EEA1: variants seen among roughly 807,000 people sequenced by gnomAD.
The protein encoded by EEA1 is early endosome antigen 1.
A neutral mutation model predicts 209.2 loss-of-function variants in EEA1; 111 were observed. That is an observed-to-expected ratio of 0.53 (90% CI 0.45 to 0.62). The LOEUF (loss-of-function observed/expected upper bound fraction) is 0.62, where lower values mean the gene tolerates loss of function less well. EEA1 is among the 20% of genes least tolerant of loss of function. The pLI is 0.00. For missense variants in EEA1, 1,343 were observed against 1,530.8 expected (o/e 0.88, Z 2.05); for synonymous variants, 536 against 540.6 (o/e 0.99, Z 0.12).
At chr12:92,850,208 C>A (rs1054351299) in intron 9 of EEA1, among the ~76,000 whole-genome samples, 2 of 152,076 alleles carry the variant, frequency 1.3e-5, no homozygotes, top group Non-Finnish European at 2.9e-5. Flanking sequence ...CCAGAACCAG[C>A]GCATGTAAAT....
At chr12:92,825,628 T>C (rs1427949814) in intron 13 of EEA1, among the ~76,000 whole-genome samples, 1 of 151,944 alleles carries the variant, frequency 6.6e-6, no homozygotes, top group Non-Finnish European at 1.5e-5. Context: ...CACCTACAAT[T>C]CCAGTGTTCA....
intron 18 of EEA1, among the ~76,000 whole-genome samples, chr12:92,804,689 G>A (rs1286459695): frequency 6.6e-6 from 1 of 151,284 alleles, no homozygotes; most frequent in Non-Finnish European, 1.5e-5. Flanking sequence ...AAGGAAATCA[G>A]AAAATATATT....
Position 92,802,735 on chromosome 12 carries a change from C to A in EEA1, c.2340-1G>T. 1 of 1,539,438 alleles carries A rather than the reference C, an allele frequency of 6.5e-7. No homozygotes were observed. Among genetic ancestry groups the A allele is most frequent in the South Asian group, 1.3e-5 (1 of 76,984 alleles). On this transcript the variant is annotated splice_acceptor_variant, in intron 18 of 28. Transcript: ENST00000322349. LOFTEE classifies it high-confidence loss of function. ...TAGATCCAATCTTGTACTGGATACT[C>A]TAAATATTTAAAAAACAATCTTTTT... is the stretch of plus-strand genomic sequence containing the variant.
At chr12:92,817,164 T>A (rs1290087228) in intron 14 of EEA1, among the ~76,000 whole-genome samples, 2 of 151,212 alleles carry the variant, frequency 1.3e-5, no homozygotes, top group African/African-American at 4.9e-5. Flanking sequence ...CATAATACTA[T>A]CCCATGGGTC....
intron 1 of EEA1, among the ~76,000 whole-genome samples, chr12:92,910,667 A>T (rs1483732734): frequency 6.6e-6 from 1 of 152,240 alleles, no homozygotes; most frequent in Non-Finnish European, 1.5e-5. Flanking sequence ...TCAGCTCTTC[A>T]AAAGACATTG....
intron 1 of EEA1, among the ~76,000 whole-genome samples, chr12:92,919,511 A>T (rs1348842269): frequency 8.6e-4 from 126 of 146,586 alleles, no homozygotes; most frequent in African/African-American, 2.7e-3. Flanking sequence ...GATTATCTCA[A>T]TAGATGCAGA....
chr12:92,779,277 A>G lies in EEA1; in HGVS notation c.3492T>C (p.Ala1164=). ...ATTTCTGCTGAATTAGAAGCTGTTTAGCATCTTTAAGATTTGTTATCTCCT... is the reference window on the plus strand; with the variant it reads ...ATTTCTGCTGAATTAGAAGCTGTTTGGCATCTTTAAGATTTGTTATCTCCT... The part of the protein sequence containing the change: ...SIKEITNLKD[A]KQLLIQQKLE... Residue 1164 remains alanine (A), a synonymous_variant, in exon 25 of 29, where the codon GCT becomes GCC. Transcript: ENST00000322349. The G allele has an allele frequency of 1.2e-6, 2 of 1,600,870 alleles. No individual in the cohort carries two copies. The highest frequency in any genetic ancestry group is 2.3e-5 in the East Asian group (1 of 44,340).
At chr12:92,875,494 T>C (rs897849148) in intron 2 of EEA1, among the ~76,000 whole-genome samples, 3 of 152,028 alleles carry the variant, frequency 2.0e-5, no homozygotes, top group African/African-American at 4.8e-5. Context: ...TAAATCCACA[T>C]TGAAAATGCA....
At chr12:92,844,039 A>C (rs7316172) in intron 9 of EEA1, among the ~76,000 whole-genome samples, 144,990 of 152,050 alleles carry the variant, frequency 0.95, 69,159 homozygotes, top group East Asian at 1. Context: ...TTGGAAACCA[A>C]CAAGTTTATA....
intron 2 of EEA1, among the ~76,000 whole-genome samples, chr12:92,875,113 C>T (rs181153685): frequency 3.3e-5 from 5 of 152,256 alleles, no homozygotes; most frequent in Admixed American, 3.3e-4. Context: ...ACAAGGTCTT[C>T]ACCCTCAAGA....
At chr12:92,884,612 G>C in intron 2 of EEA1, 4 of 1,392,872 alleles carry the variant, frequency 2.9e-6, no homozygotes, top group Non-Finnish European at 4.0e-6. Flanking sequence ...CCCCTATGGT[G>C]GTGGAGGCCA....
At chr12:92,832,093 C>CAAA (rs760668908) in intron 11 of EEA1, among the ~76,000 whole-genome samples, 2 of 62,350 alleles carry the variant, frequency 3.2e-5, no homozygotes, top group Non-Finnish European at 7.2e-5. Context: ...GACTCCGTCT[C>CAAA]AAAAAAAAAA....
chr12:92,892,871 C>T (rs183766143), intron 1 of EEA1, among the ~76,000 whole-genome samples: 2 of 152,102 alleles, frequency 1.3e-5, no homozygotes, highest in African/African-American at 2.4e-5. Flanking sequence ...CTCAAGTGAT[C>T]CCCCCACCTT....
chr12:92,891,260 A>G (rs1045509137), intron 2 of EEA1, among the ~76,000 whole-genome samples: 5 of 152,132 alleles, frequency 3.3e-5, no homozygotes, highest in Non-Finnish European at 5.9e-5. Flanking sequence ...GACAGTAAAT[A>G]ATATGTAAAT....
chr12:92,902,779 A>G (rs946602604), intron 1 of EEA1, among the ~76,000 whole-genome samples: 1 of 150,938 alleles, frequency 6.6e-6, no homozygotes, highest in East Asian at 1.9e-4. Flanking sequence ...CCTGCCACAC[A>G]CTGTTTAGGC....
In EEA1 at chr12:92,788,059, A is replaced by G. The variant is rs772169613; in HGVS notation, c.2968-10T>C. On this transcript the variant is annotated splice_polypyrimidine_tract_variant and intron_variant, in intron 21 of 28. Transcript: ENST00000322349. The stretch of plus-strand genomic sequence containing the variant: ...TATTCTCAAGCTCTGTCTGAAACAT[A>G]CAATAGTTATTTAAAACAGTATGCA... 3.2e-6 allele frequency: 5 copies of G among 1,557,066 alleles called. No homozygotes were observed. The highest frequency in any genetic ancestry group is 4.6e-5 in the East Asian group (2 of 43,456).
chr12:92,926,130 A>AT (rs1881205863), intron 1 of EEA1, among the ~76,000 whole-genome samples: 1 of 151,790 alleles, frequency 6.6e-6, no homozygotes, highest in Non-Finnish European at 1.5e-5. Context: ...AGTCGCTGGG[A>AT]TTATAGGCAT....
chr12:92,852,859 G>T, intron 7 of EEA1, 53 bp downstream of exon 7: 2 of 1,305,230 alleles, frequency 1.5e-6, no homozygotes, highest in Middle Eastern at 1.9e-4. Flanking sequence ...GTATATAATG[G>T]CAAAAAGGTA....
intron 22 of EEA1, among the ~76,000 whole-genome samples, chr12:92,786,737 C>T (rs1874150814): frequency 6.6e-6 from 1 of 152,144 alleles, no homozygotes; most frequent in Non-Finnish European, 1.5e-5. Flanking sequence ...GTCTGCAAAC[C>T]ACTACCAGGT....
Sources: gnomAD v4.1 joint callset for allele counts (sites outside exome capture counted in the v4.1 genomes callset) on GRCh38, gnomAD v4.1.1 for gene constraint, MANE v1.5 for transcripts, NCBI Gene and HGNC (gene_info 2026-07-23, HGNC 2026-07-21) for gene names.